ZFP90: variants seen among roughly 807,000 people sequenced by gnomAD.
ZFP90 encodes zinc finger protein 90 homolog.
In ZFP90, 38 loss-of-function variants were observed where a neutral mutation model predicts 60.8. The ratio of observed to expected loss-of-function variants is 0.62; its 90% CI spans 0.48 to 0.82. ZFP90 has a LOEUF of 0.82. Ranked by LOEUF, ZFP90 falls within the 40% of genes least tolerant of loss-of-function variation. The pLI, the probability that ZFP90 is intolerant of heterozygous loss-of-function variation, is 0.00. For synonymous variants in ZFP90, 287 were observed against 264.8 expected (o/e 1.08, Z -0.82); for missense variants, 711 against 759.1 (o/e 0.94, Z 0.74).
At position 68,564,757 on chromosome 16, in the gene ZFP90, C is replaced by T. The variant is rs776947890; in HGVS notation, c.*59C>T. 2 of 1,528,206 alleles carry T rather than the reference C, an allele frequency of 1.3e-6. No homozygotes were observed. Among genetic ancestry groups the T allele is most frequent in the Non-Finnish European group, 1.7e-6 (2 of 1,143,868 alleles). The allele number at this position is 1,528,206 out of a possible 1,614,324, so 94.7% of individuals were successfully genotyped here. The stretch of plus-strand genomic sequence containing the variant: ...TAGCTAAAATGTTCTGATTCAGGAT[C>T]AGAGGATTCTTAGAGAGCTTGGGAA... On this transcript the variant is annotated 3_prime_UTR_variant, in exon 5 of 5. Coordinates refer to ENST00000563169, the MANE Select transcript of ZFP90 (RefSeq NM_001305203.2).
intron 2 of ZFP90, among the ~76,000 whole-genome samples, chr16:68,572,379 A>T (rs549504219): frequency 6.6e-6 from 1 of 152,310 alleles, no homozygotes; most frequent in African/African-American, 2.4e-5. Context: ...TTCCAAAGTT[A>T]GAGTTCTCAC....
At chr16:68,567,480 C>T (rs191990620), downstream of ZFP90, among the ~76,000 whole-genome samples, 1 of 152,270 alleles carries the variant, frequency 6.6e-6, no homozygotes, top group East Asian at 1.9e-4. Context: ...TTCAGCTAAT[C>T]AGAGTCCTTT....
chr16:68,541,196 C>A (rs1006459579), intron 2 of ZFP90, among the ~76,000 whole-genome samples: 2 of 151,948 alleles, frequency 1.3e-5, no homozygotes, highest in African/African-American at 2.4e-5. Context: ...ACCACCACAC[C>A]CGGCTAATTT....
At chr16:68,547,194 A>G (rs1051952930) in intron 2 of ZFP90, among the ~76,000 whole-genome samples, 2 of 152,254 alleles carry the variant, frequency 1.3e-5, no homozygotes, top group East Asian at 1.9e-4. Flanking sequence ...TACTGTTTCC[A>G]TAGCAGCTGT....
In ZFP90 at chr16:68,558,553, C is replaced by A. The variant is rs772607210; in HGVS notation, c.241C>A (p.Arg81=). 1 of 1,613,732 alleles carries A rather than the reference C, an allele frequency of 6.2e-7. No individual in the cohort carries two copies. Among genetic ancestry groups the A allele is most frequent in the South Asian group, 1.1e-5 (1 of 91,072 alleles). ...ATGGATATCAGAGGGAGAAATCCAA[C>A]GACCTTTCTATCCAGGTAAATGAGT... ...EPWISEGEIQ[R]PFYPDWKTRP... Residue 81 remains arginine (R), a synonymous_variant, in exon 4 of 5, where the codon CGA becomes AGA. Transcript: ENST00000563169.
chr16:68,540,523 A>G (rs1470232138), intron 2 of ZFP90, among the ~76,000 whole-genome samples: 2 of 152,202 alleles, frequency 1.3e-5, no homozygotes, highest in Non-Finnish European at 2.9e-5. Context: ...TAGAAGCGTC[A>G]CAACTCTAAG....
upstream of ZFP90, among the ~76,000 whole-genome samples, chr16:68,535,060 T>C (rs948723340): frequency 2.0e-5 from 3 of 152,234 alleles, no homozygotes; most frequent in Non-Finnish European, 4.4e-5. Flanking sequence ...GCTTTGTGTT[T>C]GTGATTCATG....
Position 68,565,741 on chromosome 16 carries a change from A to T in ZFP90, c.*1043A>T. 1 of 985,400 alleles carries T rather than the reference A, an allele frequency of 1.0e-6. No individual in the cohort carries two copies. Among genetic ancestry groups the T allele is most frequent in the Non-Finnish European group, 1.2e-6 (1 of 829,906 alleles). 61.0% of individuals were successfully genotyped at this position (985,400 alleles called of 1,614,324 possible). On this transcript the variant is annotated 3_prime_UTR_variant, in exon 5 of 5. Coordinates refer to ENST00000563169, the MANE Select transcript of ZFP90 (RefSeq NM_001305203.2). ...ATTTTCTTGCAGAAAAGTTAAGTCT[A>T]ATTGCCCATTGCCATAAATTTTGCC...
chr16:68,535,196 G>A (rs2090951478), upstream of ZFP90, among the ~76,000 whole-genome samples: 1 of 152,172 alleles, frequency 6.6e-6, no homozygotes. Context: ...TGTTAGCCGA[G>A]AACCAATTTA....
At chr16:68,539,548 C>T (rs919787199) in intron 1 of ZFP90, 69 bp downstream of exon 1, 3 of 502,384 alleles carry the variant, frequency 6.0e-6, no homozygotes, top group Non-Finnish European at 7.0e-6. Flanking sequence ...CACCACCCTG[C>T]GAAGGGGACT....
chr16:68,547,025 G>A (rs2091164190), intron 2 of ZFP90, among the ~76,000 whole-genome samples: 2 of 152,146 alleles, frequency 1.3e-5, no homozygotes, highest in African/African-American at 2.4e-5. Flanking sequence ...TTTAGCTATT[G>A]TGAATAATGC....
downstream of ZFP90, among the ~76,000 whole-genome samples, chr16:68,567,673 C>T (rs1219814519): frequency 6.6e-6 from 1 of 152,312 alleles, no homozygotes; most frequent in South Asian, 2.1e-4. Context: ...TTAGACCTGG[C>T]TCAATTTCTG....
intron 2 of ZFP90, among the ~76,000 whole-genome samples, chr16:68,552,213 G>A (rs551492713): frequency 6.6e-6 from 1 of 152,336 alleles, no homozygotes; most frequent in East Asian, 1.9e-4. Flanking sequence ...GACTCAGAGT[G>A]ACTAACTTCC....
At chr16:68,549,543 G>A (rs544886673) in intron 2 of ZFP90, among the ~76,000 whole-genome samples, 4 of 152,162 alleles carry the variant, frequency 2.6e-5, no homozygotes, top group South Asian at 4.2e-4. Context: ...GCTGGGCGTG[G>A]TGGCGGGTGC....
At chr16:68,558,623 G>C in intron 4 of ZFP90, 55 bp downstream of exon 4, 2 of 1,509,498 alleles carry the variant, frequency 1.3e-6, no homozygotes, top group Non-Finnish European at 1.8e-6. Flanking sequence ...GCACAACTTA[G>C]GGAGGGGGAG....
intron 2 of ZFP90, among the ~76,000 whole-genome samples, chr16:68,541,799 C>G (rs941796925): frequency 2.6e-5 from 4 of 152,130 alleles, no homozygotes; most frequent in Non-Finnish European, 5.9e-5. Flanking sequence ...AACACCTCAT[C>G]AGGGACTCTG....
At chr16:68,545,454 A>T in intron 2 of ZFP90, among the ~76,000 whole-genome samples, 1 of 152,206 alleles carries the variant, frequency 6.6e-6, no homozygotes, top group South Asian at 2.1e-4. Flanking sequence ...AAACAATGTG[A>T]TTTGCACTGA....
chr16:68,563,796 C>T lies in ZFP90; in HGVS notation c.1009C>T (p.Pro337Ser). 6.2e-7 allele frequency: 1 copy of T among 1,614,132 alleles called. No individual in the cohort carries two copies. Among genetic ancestry groups the T allele is most frequent in the Non-Finnish European group, 8.5e-7 (1 of 1,180,024 alleles). The stretch of plus-strand genomic sequence containing the variant: ...CCAGCGAATTCACACTGGAGAGAAA[C>T]CCTATCGATGTAATCTATGTGGGAG... Reference protein sequence around the residue: ...QHQRIHTGEKPYRCNLCGRSF... With the variant: ...QHQRIHTGEKSYRCNLCGRSF... The change falls in exon 5 of 5, where the codon CCC becomes TCC. Residue 337 changes from proline (P) to serine (S), a missense_variant. By Grantham distance (74) the Pro-to-Ser change is moderately conservative (BLOSUM62 -1). Coordinates refer to ENST00000563169, the MANE Select transcript of ZFP90 (RefSeq NM_001305203.2).
chr16:68,554,120 GTTTTGTT>G (rs1245087218), intron 2 of ZFP90, among the ~76,000 whole-genome samples: 5 of 117,442 alleles, frequency 4.3e-5, no homozygotes, highest in Non-Finnish European at 7.3e-5. Flanking sequence ...GTTGTGTTTT[GTTTTGTT>G]TTTTTTTTTT....
Sources: allele counts gnomAD v4.1 joint callset (sites outside exome capture counted in the v4.1 genomes callset), GRCh38; gene constraint gnomAD v4.1.1; transcripts MANE v1.5; gene names NCBI Gene and HGNC (gene_info 2026-07-23, HGNC 2026-07-21).